Variants in NECAB2 observed in about 807,000 individuals in gnomAD.
NECAB2 encodes the protein N-terminal EF-hand calcium binding protein 2.
Under a neutral mutation model 51.9 loss-of-function variants are expected in NECAB2, and 68 were observed. The ratio of observed to expected loss-of-function variants is 1.31; its 90% CI spans 1.08 to 1.60. The LOEUF (loss-of-function observed/expected upper bound fraction) is 1.60, where lower values mean the gene tolerates loss of function less well. Among genes scored for constraint, NECAB2 ranks in the 40% most tolerant of loss-of-function variants. NECAB2 has a pLI of 0.00. For synonymous variants in NECAB2, 329 were observed against 203.5 expected (o/e 1.62, Z -5.25); for missense variants, 854 against 490.3 (o/e 1.74, Z -7.00).
chr16:83,969,526 C>G (rs1015584671), intron 1 of NECAB2, among the ~76,000 whole-genome samples: 2 of 151,810 alleles, frequency 1.3e-5, no homozygotes, highest in East Asian at 1.9e-4. Flanking sequence ...CACCCCTCTA[C>G]CCTACAGAGA....
At position 83,968,382 on chromosome 16, in the gene NECAB2, T is replaced by C. The variant is rs1336302286; in HGVS notation, c.-267T>C. The stretch of plus-strand genomic sequence containing the variant: ...CCCTCCGGGTAGCCCCCTCTGTGGC[T>C]GCGCCCGCGCCCCTCGCCCCGGCGG... On this transcript the variant is annotated 5_prime_UTR_variant, in exon 1 of 13. Coordinates refer to ENST00000305202, the MANE Select transcript of NECAB2 (RefSeq NM_019065.3). Among the ~76,000 whole-genome samples the C allele has an allele frequency of 2.7e-5, 4 of 149,620 alleles. No homozygotes were observed. Among genetic ancestry groups the C allele is most frequent in the African/African-American group, 9.8e-5 (4 of 40,954 alleles).
intron 5 of NECAB2, among the ~76,000 whole-genome samples, chr16:83,987,844 T>C (rs999598958): frequency 1.3e-5 from 2 of 152,248 alleles, no homozygotes; most frequent in African/African-American, 4.8e-5. Flanking sequence ...GAGCAGTTTA[T>C]GGCACTTGAC....
chr16:83,993,996 G>A (rs867232838), intron 6 of NECAB2, among the ~76,000 whole-genome samples: 1 of 152,172 alleles, frequency 6.6e-6, no homozygotes, highest in Non-Finnish European at 1.5e-5. Flanking sequence ...CTGTTAGAGT[G>A]GGGGTGGGTC....
At chr16:83,966,248 T>A, upstream of NECAB2, 1 of 540,402 alleles carries the variant, frequency 1.9e-6, no homozygotes, top group Non-Finnish European at 3.2e-6. Context: ...AAGCTGCTGG[T>A]GTGACCAGCT....
At chr16:83,978,271 T>G (rs1246505139) in intron 2 of NECAB2, among the ~76,000 whole-genome samples, 173 bp from the exon 3 acceptor site, 10 of 152,196 alleles carry the variant, frequency 6.6e-5, no homozygotes, top group Non-Finnish European at 1.5e-5. Flanking sequence ...AGGGATTATC[T>G]AAAATGGAAT....
In NECAB2 at chr16:83,978,603, G is replaced by A. The variant is rs759046513; in HGVS notation, c.335+51G>A. The A allele has an allele frequency of 7.5e-6, 11 of 1,473,710 alleles. No individual in the cohort carries two copies. The Admixed American group carries it at 1.9e-4, about 25-fold the overall frequency. The allele number at this position is 1,473,710 out of a possible 1,614,324, so 91.3% of individuals were successfully genotyped here. A position where few individuals can be genotyped will look rare whatever the true frequency, so the allele number is the denominator to read the frequency against. ...GTGGGGGTGTGTGTGGGCTGTGGTG[G>A]AGGCATCTTTTCATCTAGTGTCCGT... On this transcript the variant is annotated intron_variant, in intron 3 of 12. Transcript: ENST00000305202.
In NECAB2 at chr16:83,998,402, C is replaced by A. The variant is rs1015305444; in HGVS notation, c.962+85C>A. The A allele has an allele frequency of 1.1e-5, 14 of 1,329,900 alleles. No homozygotes were observed. The East Asian group carries it at 3.4e-4, about 32-fold the overall frequency. The allele number at this position is 1,329,900 out of a possible 1,614,324, so 82.4% of individuals were successfully genotyped here. On this transcript the variant is annotated intron_variant, in intron 10 of 12. Transcript: ENST00000305202. ...GGAACAGGGCAGGACTAGGCTTTGC[C>A]CTAAGTAGTACAAGTTGCACCCCAG...
chr16:83,994,201 G>A, intron 6 of NECAB2, 101 bp from the exon 7 acceptor site: 1 of 1,038,254 alleles, frequency 9.6e-7, no homozygotes, highest in South Asian at 1.3e-5. Context: ...GCATGTGTGA[G>A]TCCACTGTCT....
rs780095860 is a variant in NECAB2, at chr16:83,978,572, G to A, written c.335+20G>A. ...CACCAAGTGAGCTTCAGTCCTGGCT[G>A]GCAGAGTGGGGGTGTGTGTGGGCTG... On this transcript the variant is annotated intron_variant, in intron 3 of 12. Transcript: ENST00000305202. 1.9e-6 allele frequency: 3 copies of A among 1,590,844 alleles called. No homozygotes were observed. Among genetic ancestry groups the A allele is most frequent in the Admixed American group, 1.7e-5 (1 of 59,818 alleles).
chr16:83,998,083 A>G, intron 9 of NECAB2, 122 bp from the exon 10 acceptor site: 1 of 845,024 alleles, frequency 1.2e-6, no homozygotes, highest in South Asian at 1.7e-5. Context: ...ATGGGTAAGA[A>G]TGAAAAGTGG....
chr16:83,983,252 C>T (rs2084511594), intron 5 of NECAB2, among the ~76,000 whole-genome samples: 1 of 152,156 alleles, frequency 6.6e-6, no homozygotes, highest in African/African-American at 2.4e-5. Context: ...CTTGTATGTG[C>T]TGTTTGCTTT....
At chr16:84,000,620 A>G (rs1380543583) in intron 10 of NECAB2, 104 bp from the exon 11 acceptor site, 2 of 821,774 alleles carry the variant, frequency 2.4e-6, no homozygotes, top group East Asian at 2.5e-5. Flanking sequence ...CATTGAAGGC[A>G]GCCGTTGTGT....
At chr16:83,995,745 A>G (rs887635694) in intron 8 of NECAB2, among the ~76,000 whole-genome samples, 1 of 152,104 alleles carries the variant, frequency 6.6e-6, no homozygotes, top group Non-Finnish European at 1.5e-5. Context: ...CCCCGCATGG[A>G]GGGAGACAGA....
chr16:83,982,835 A>G (rs920722200), intron 5 of NECAB2, among the ~76,000 whole-genome samples: 1 of 151,284 alleles, frequency 6.6e-6, no homozygotes, highest in Non-Finnish European at 1.5e-5. Flanking sequence ...TGCATCCGTG[A>G]TTGGCATTTC....
chr16:83,994,760 C>T (rs533887160), intron 8 of NECAB2, 72 bp downstream of exon 8: 5 of 1,550,132 alleles, frequency 3.2e-6, no homozygotes, highest in East Asian at 4.6e-5. Context: ...GCCTGGAGTT[C>T]AGGACAAAAG....
At chr16:83,999,873 GGTT>G (rs553930201) in intron 10 of NECAB2, among the ~76,000 whole-genome samples, 2,083 of 144,156 alleles carry the variant, frequency 0.014, 42 homozygotes, top group African/African-American at 0.053. Context: ...GATTTTTAAA[GGTT>G]TTTTGATTTT....
In NECAB2 at chr16:84,002,532, T is replaced by G; in HGVS notation, c.*186T>G. The G allele has an allele frequency of 1.3e-6, 1 of 743,556 alleles. No individual in the cohort carries two copies. The allele number at this position is 743,556 out of a possible 1,614,324, so 46.1% of individuals were successfully genotyped here. On this transcript the variant is annotated 3_prime_UTR_variant, in exon 13 of 13. Coordinates refer to ENST00000305202, the MANE Select transcript of NECAB2 (RefSeq NM_019065.3). ...CCCCACCTGAGAAGGCAGAGCAGTG[T>G]CTGTGCTGCCAGGTCCTGGTGAAGC... is the stretch of plus-strand genomic sequence containing the variant.
chr16:83,974,295 A>C (rs2084381015), intron 2 of NECAB2, among the ~76,000 whole-genome samples: 1 of 152,190 alleles, frequency 6.6e-6, no homozygotes, highest in Non-Finnish European at 1.5e-5. Context: ...CAAATTCTGC[A>C]GTCTCAGTTT....
intron 6 of NECAB2, 58 bp from the exon 7 acceptor site, chr16:83,994,244 G>T: frequency 3.4e-6 from 5 of 1,476,850 alleles, no homozygotes; most frequent in Non-Finnish European, 4.7e-6. Flanking sequence ...GATGCTGGAA[G>T]TGGTAAGGGC....
Sources: gnomAD v4.1 joint callset for allele counts (sites outside exome capture counted in the v4.1 genomes callset) on GRCh38, gnomAD v4.1.1 for gene constraint, MANE v1.5 for transcripts, NCBI Gene and HGNC (gene_info 2026-07-23, HGNC 2026-07-21) for gene names.